TMED3: variants seen among roughly 807,000 people sequenced by gnomAD.
The protein encoded by TMED3 is transmembrane p24 trafficking protein 3, also known as transmembrane emp24 domain-containing protein 3.
In TMED3, 9 loss-of-function variants were observed where a neutral mutation model predicts 15.0. The observed-to-expected ratio is 0.60, with a 90% CI of 0.36 to 1.04. The LOEUF (loss-of-function observed/expected upper bound fraction) is 1.04. Among genes scored for constraint, TMED3 ranks in the 50% least tolerant of loss-of-function variants. The pLI, the probability that TMED3 is intolerant of heterozygous loss-of-function variation, is 0.01. For synonymous variants in TMED3, 117 were observed against 121.4 expected (o/e 0.96, Z 0.24); for missense variants, 267 against 278.9 (o/e 0.96, Z 0.30).
chr15:79,368,980 C>T (rs912747766), intron 2 of TMED3, among the ~76,000 whole-genome samples: 7 of 151,556 alleles, frequency 4.6e-5, no homozygotes, highest in East Asian at 3.9e-4. Context: ...CTGTAATCCC[C>T]GCTACTCGAG....
At chr15:79,356,602 T>C (rs1463715940) in intron 2 of TMED3, among the ~76,000 whole-genome samples, 2 of 152,072 alleles carry the variant, frequency 1.3e-5, no homozygotes, top group Non-Finnish European at 2.9e-5. Flanking sequence ...TGGTGATGAG[T>C]GCAGTGCTGT....
chr15:79,393,920 C>T (rs1010669910), intron 2 of TMED3, among the ~76,000 whole-genome samples: 1 of 152,164 alleles, frequency 6.6e-6, no homozygotes, highest in Non-Finnish European at 1.5e-5. Context: ...TGGTCTCAAA[C>T]TCCTGAGCTC....
chr15:79,320,458 G>A (rs1478439171), intron 2 of TMED3, among the ~76,000 whole-genome samples: 4 of 151,936 alleles, frequency 2.6e-5, no homozygotes, highest in South Asian at 2.1e-4. Context: ...TCGTGCCCTC[G>A]GTCTCTTGCC....
intron 2 of TMED3, among the ~76,000 whole-genome samples, chr15:79,342,629 A>G (rs2058855598): frequency 6.6e-6 from 1 of 152,206 alleles, no homozygotes; most frequent in Non-Finnish European, 1.5e-5. Flanking sequence ...ATGCACACAA[A>G]CACACACATA....
chr15:79,336,627 T>C (rs146024323), intron 2 of TMED3, among the ~76,000 whole-genome samples: 1,842 of 151,998 alleles, frequency 0.012, 83 homozygotes, highest in East Asian at 0.11. Context: ...TGAGCAGAGG[T>C]TGCAGTGAGC....
At chr15:79,325,408 C>T (rs972799435), downstream of TMED3, among the ~76,000 whole-genome samples, 1 of 151,936 alleles carries the variant, frequency 6.6e-6, no homozygotes, top group Non-Finnish European at 1.5e-5. Flanking sequence ...AACTTTACTG[C>T]AGGGCATTCT....
At chr15:79,379,312 G>GT (rs1352915625) in intron 2 of TMED3, among the ~76,000 whole-genome samples, 1 of 152,120 alleles carries the variant, frequency 6.6e-6, no homozygotes, top group Non-Finnish European at 1.5e-5. Flanking sequence ...AGCTTATTCA[G>GT]TTGATGGAAA....
chr15:79,372,388 T>G (rs1893356004), intron 2 of TMED3, among the ~76,000 whole-genome samples: 1 of 152,236 alleles, frequency 6.6e-6, no homozygotes, highest in Admixed American at 6.5e-5. Flanking sequence ...ATCTTCCATA[T>G]CTGAGACTTC....
chr15:79,341,195 CAAAAAAA>C (rs58885572), intron 2 of TMED3, among the ~76,000 whole-genome samples: 6 of 58,346 alleles, frequency 1.0e-4, no homozygotes, highest in South Asian at 1.1e-3. Context: ...GACCCTGTCT[CAAAAAAA>C]AAAAAAAAAA....
chr15:79,356,359 C>A (rs1396474003), intron 2 of TMED3, among the ~76,000 whole-genome samples: 1 of 152,110 alleles, frequency 6.6e-6, no homozygotes, highest in African/African-American at 2.4e-5. Context: ...GAGTTTAGAA[C>A]AATGTTGGCA....
intron 2 of TMED3, among the ~76,000 whole-genome samples, chr15:79,341,904 C>T (rs1054739715): frequency 6.6e-6 from 1 of 152,152 alleles, no homozygotes; most frequent in Non-Finnish European, 1.5e-5. Context: ...GAACATCCTG[C>T]AAGGCACAGG....
downstream of TMED3, among the ~76,000 whole-genome samples, chr15:79,323,818 A>G (rs1300059971): frequency 6.6e-6 from 1 of 152,238 alleles, no homozygotes; most frequent in East Asian, 1.9e-4. Context: ...TTTTATTTAT[A>G]TAACCTTGTA....
At chr15:79,320,068 C>G (rs1382447777) in intron 2 of TMED3, among the ~76,000 whole-genome samples, 1 of 152,176 alleles carries the variant, frequency 6.6e-6, no homozygotes, top group African/African-American at 2.4e-5. Flanking sequence ...AGGGAGTCCC[C>G]CTTTCCCAGT....
intron 2 of TMED3, among the ~76,000 whole-genome samples, chr15:79,376,203 G>C (rs1043191580): frequency 6.8e-6 from 1 of 147,208 alleles, no homozygotes; most frequent in African/African-American, 2.6e-5. Flanking sequence ...TCCGCCTCCC[G>C]GGTTCACGCA....
At chr15:79,386,932 A>AT (rs1407186185) in intron 2 of TMED3, among the ~76,000 whole-genome samples, 1 of 136,704 alleles carries the variant, frequency 7.3e-6, no homozygotes, top group African/African-American at 2.7e-5. Flanking sequence ...TAATCTTTTA[A>AT]TCTTTTTTTT....
chr15:79,355,650 T>C (rs2058916011), intron 2 of TMED3, among the ~76,000 whole-genome samples: 1 of 151,992 alleles, frequency 6.6e-6, no homozygotes, highest in Non-Finnish European at 1.5e-5. Flanking sequence ...AAAGGACAGA[T>C]TTGAGGGTGG....
At chr15:79,330,710 C>T (rs2058805154) in intron 2 of TMED3, among the ~76,000 whole-genome samples, 1 of 152,010 alleles carries the variant, frequency 6.6e-6, no homozygotes, top group Non-Finnish European at 1.5e-5. Flanking sequence ...CCATAAAAGA[C>T]CCCAAATAGC....
At chr15:79,323,729 AACTC>A (rs1187988031), downstream of TMED3, among the ~76,000 whole-genome samples, 1 of 152,194 alleles carries the variant, frequency 6.6e-6, no homozygotes, top group Non-Finnish European at 1.5e-5. Context: ...GCTTTACTAA[AACTC>A]ACGTTGTCTT....
At chr15:79,331,580 A>C in intron 2 of TMED3, among the ~76,000 whole-genome samples, 1 of 151,716 alleles carries the variant, frequency 6.6e-6, no homozygotes, top group East Asian at 1.9e-4. Flanking sequence ...TCAAACTAAA[A>C]AGTCTACACA....
Sources: gnomAD v4.1 joint callset for allele counts (sites outside exome capture counted in the v4.1 genomes callset) on GRCh38, gnomAD v4.1.1 for gene constraint, MANE v1.5 for transcripts, NCBI Gene and HGNC (gene_info 2026-07-23, HGNC 2026-07-21) for gene names.